Variants in RBP7 observed in about 807,000 individuals in gnomAD.
RBP7 encodes the protein retinoid-binding protein 7.
Under a neutral mutation model 16.7 loss-of-function variants are expected in RBP7, and 13 were observed. That is an observed-to-expected ratio of 0.78 (90% CI 0.51 to 1.24). The LOEUF is 1.24. RBP7 is among the 50% of genes most tolerant of loss of function. RBP7 has a pLI of 0.00. For synonymous variants in RBP7, 54 were observed against 56.2 expected (o/e 0.96, Z 0.17); for missense variants, 145 against 159.5 (o/e 0.91, Z 0.49).
At chr1:10,015,269 G>A (rs1185866070) in intron 3 of RBP7, among the ~76,000 whole-genome samples, 2 of 151,848 alleles carry the variant, frequency 1.3e-5, no homozygotes, top group South Asian at 2.1e-4. Flanking sequence ...GTGAAACCCC[G>A]TCGCTACTAA....
intron 3 of RBP7, 94 bp downstream of exon 3, chr1:10,008,368 T>C: frequency 1.3e-6 from 1 of 756,952 alleles, no homozygotes; most frequent in Non-Finnish European, 2.3e-6. Flanking sequence ...CCCAGCATTT[T>C]AGGAGGCCGA....
Position 10,008,177 on chromosome 1 carries a change from T to C in RBP7, c.257T>C (p.Leu86Ser). The change falls in exon 3 of 4, where the codon TTG becomes TCG. Residue 86 changes from leucine to serine, a missense_variant. Coordinates refer to ENST00000294435, the MANE Select transcript of RBP7 (RefSeq NM_052960.3). ...RGLDNRKCKS[L>S]VIWDNDRLTC... ...TTTTCTCCTCTCTTCATGCAGAGTT[T>C]GGTTATCTGGGACAATGACAGGCTC... is the stretch of plus-strand genomic sequence containing the variant. 6.2e-7 allele frequency: 1 copy of C among 1,602,298 alleles called. No individual in the cohort carries two copies. The highest frequency in any genetic ancestry group is 8.5e-7 in the Non-Finnish European group (1 of 1,169,622).
chr1:10,013,612 T>C (rs903799435), intron 3 of RBP7, among the ~76,000 whole-genome samples: 1 of 151,876 alleles, frequency 6.6e-6, no homozygotes, highest in African/African-American at 2.4e-5. Context: ...AGTTGGAAAC[T>C]AGCCTGGCTA....
At chr1:10,009,286 T>G (rs538115377) in intron 3 of RBP7, among the ~76,000 whole-genome samples, 1 of 152,210 alleles carries the variant, frequency 6.6e-6, no homozygotes, top group East Asian at 1.9e-4. Flanking sequence ...GGCACATGTC[T>G]GTAATCCCAG....
intron 1 of RBP7, among the ~76,000 whole-genome samples, chr1:10,001,892 G>A (rs997356597): frequency 4.6e-5 from 7 of 151,536 alleles, no homozygotes; most frequent in African/African-American, 1.2e-4. Context: ...GCAGTGGCAC[G>A]GATCTTGGCT....
intron 1 of RBP7, among the ~76,000 whole-genome samples, chr1:10,005,274 C>T (rs992510698): frequency 6.6e-6 from 1 of 152,118 alleles, no homozygotes; most frequent in African/African-American, 2.4e-5. Context: ...TGCAGTGGCT[C>T]GACCTCAGCT....
intron 1 of RBP7, among the ~76,000 whole-genome samples, chr1:9,999,655 C>G (rs1020582661): frequency 6.6e-6 from 1 of 152,076 alleles, no homozygotes; most frequent in Non-Finnish European, 1.5e-5. Flanking sequence ...ATCCAGAAAC[C>G]CTTAAATCCA....
chr1:10,013,351 G>A, intron 3 of RBP7, among the ~76,000 whole-genome samples: 1 of 152,058 alleles, frequency 6.6e-6, no homozygotes, highest in East Asian at 2.0e-4. Context: ...GGGATTACAG[G>A]CATGAGCCAC....
chr1:9,999,814 CTTT>C (rs70998341), intron 1 of RBP7, among the ~76,000 whole-genome samples: 8 of 105,878 alleles, frequency 7.6e-5, no homozygotes, highest in Admixed American at 1.1e-4. Flanking sequence ...CTGTAATACT[CTTT>C]TTTTTTTTTT....
chr1:9,998,386 T>TC (rs1433001035), intron 1 of RBP7, among the ~76,000 whole-genome samples: 10 of 101,480 alleles, frequency 9.9e-5, no homozygotes, highest in South Asian at 3.2e-4. Flanking sequence ...TTGTTTTCTT[T>TC]TTTTCTTTCT....
chr1:10,009,720 C>T (rs1411539170), intron 3 of RBP7, among the ~76,000 whole-genome samples: 1 of 149,954 alleles, frequency 6.7e-6, no homozygotes, highest in African/African-American at 2.5e-5. Context: ...TTAGCAGAAA[C>T]GGGATTTTAC....
At chr1:10,001,398 TG>T (rs1642274568) in intron 1 of RBP7, among the ~76,000 whole-genome samples, 1 of 152,148 alleles carries the variant, frequency 6.6e-6, no homozygotes, top group Non-Finnish European at 1.5e-5. Flanking sequence ...CTTCACTTCC[TG>T]GGCTCAGGCG....
At position 10,006,118 on chromosome 1, in the gene RBP7, T is replaced by C. The variant is rs377550922; in HGVS notation, c.74-1452T>C. 2.0e-4 allele frequency among the ~76,000 whole-genome samples: 30 copies of C among 152,322 alleles called. No individual in the cohort carries two copies. In the East Asian group the frequency reaches 3.9e-3, roughly 20 times the overall value. The stretch of plus-strand genomic sequence containing the variant: ...GGTGTTTATTTCTAGCTACATAATA[T>C]GCTCAAAGGCAGTAAGTGGAACTGG... On this transcript the variant is annotated intron_variant, in intron 1 of 3. Transcript: ENST00000294435.
At chr1:9,999,544 A>T (rs1642229120) in intron 1 of RBP7, among the ~76,000 whole-genome samples, 1 of 151,564 alleles carries the variant, frequency 6.6e-6, no homozygotes, top group South Asian at 2.1e-4. Context: ...CAAGAGTGAA[A>T]CTCTGTCTAA....
chr1:10,002,811 T>C (rs1474649839), intron 1 of RBP7, among the ~76,000 whole-genome samples: 1 of 152,094 alleles, frequency 6.6e-6, no homozygotes, highest in Non-Finnish European at 1.5e-5. Context: ...GCCCAGAACT[T>C]ATGCTAATTC....
intron 3 of RBP7, among the ~76,000 whole-genome samples, chr1:10,011,961 G>A (rs1463696407): frequency 6.6e-6 from 1 of 152,034 alleles, no homozygotes; most frequent in Non-Finnish European, 1.5e-5. Flanking sequence ...CAGCACTTTG[G>A]GAGGCCAAGG....
chr1:10,009,304 G>T (rs1351704192), intron 3 of RBP7, among the ~76,000 whole-genome samples: 1 of 152,046 alleles, frequency 6.6e-6, no homozygotes, highest in Non-Finnish European at 1.5e-5. Flanking sequence ...CAGCTACTTG[G>T]GAGGCTGAGG....
chr1:10,006,540 A>G (rs956458359), intron 1 of RBP7, among the ~76,000 whole-genome samples: 1 of 151,688 alleles, frequency 6.6e-6, no homozygotes, highest in Admixed American at 6.6e-5. Flanking sequence ...AATACATAGT[A>G]GTATATAGCT....
intron 1 of RBP7, among the ~76,000 whole-genome samples, chr1:10,002,603 G>A (rs549109755): frequency 3.3e-5 from 5 of 151,928 alleles, no homozygotes; most frequent in Non-Finnish European, 7.4e-5. Flanking sequence ...AGGCTCAAGC[G>A]ATCCTCCCAC....
Sources: gnomAD v4.1 joint callset for allele counts (sites outside exome capture counted in the v4.1 genomes callset) on GRCh38, gnomAD v4.1.1 for gene constraint, MANE v1.5 for transcripts, NCBI Gene and HGNC (gene_info 2026-07-23, HGNC 2026-07-21) for gene names.